PTPRG: variants seen among roughly 807,000 people sequenced by gnomAD.
PTPRG encodes protein tyrosine phosphatase receptor type G.
PTPRG carries 102 observed loss-of-function variants against 165.3 expected under a neutral mutation model. The ratio of observed to expected loss-of-function variants is 0.62; its 90% CI spans 0.53 to 0.73. The LOEUF (loss-of-function observed/expected upper bound fraction) is 0.73, where lower values mean the gene tolerates loss of function less well. PTPRG is among the 30% of genes least tolerant of loss of function. PTPRG has a pLI of 0.00. For missense variants in PTPRG, 1,866 were observed against 1,861.4 expected (o/e 1.00, Z -0.05); for synonymous variants, 675 against 669.5 (o/e 1.01, Z -0.13).
At chr3:62,065,874 G>A (rs955837623) in intron 4 of PTPRG, among the ~76,000 whole-genome samples, 4 of 152,108 alleles carry the variant, frequency 2.6e-5, no homozygotes, top group African/African-American at 7.2e-5. Flanking sequence ...CACTGTAGAG[G>A]TTCTCCCAAG....
intron 2 of PTPRG, among the ~76,000 whole-genome samples, chr3:61,979,662 A>C (rs192470830): frequency 6.6e-6 from 1 of 152,348 alleles, no homozygotes; most frequent in Non-Finnish European, 1.5e-5. Context: ...AGTTAAAATC[A>C]AGTATTCACA....
At position 62,231,872 on chromosome 3, in the gene PTPRG, A is replaced by C. The variant is rs75195496; in HGVS notation, c.2375+561A>C. ...TGCATATGAGTTCTGGATAGTTTGA[A>C]TACTTGGAAAAATTATTGTCCTGGA... On this transcript the variant is annotated intron_variant, in intron 14 of 29. Transcript: ENST00000474889. Among the ~76,000 whole-genome samples the C allele has an allele frequency of 1.1e-3, 165 of 152,118 alleles. 1 individual carries two copies. In the East Asian group the frequency reaches 0.03, roughly 28 times the overall value.
intron 5 of PTPRG, among the ~76,000 whole-genome samples, chr3:62,081,557 C>A: frequency 6.6e-6 from 1 of 152,080 alleles, no homozygotes. Context: ...GTGGCCCAGC[C>A]TAGTCTGGAA....
chr3:62,261,200 G>A (rs1434549551), intron 16 of PTPRG: 1 of 152,118 alleles, frequency 6.6e-6, no homozygotes, highest in Non-Finnish European at 1.5e-5. Flanking sequence ...CAACCCTAAA[G>A]AAGTACATGC....
intron 4 of PTPRG, among the ~76,000 whole-genome samples, chr3:62,073,281 A>G (rs546943746): frequency 1.3e-5 from 2 of 152,362 alleles, no homozygotes; most frequent in South Asian, 2.1e-4. Context: ...GTGAGTCAAC[A>G]TTAAATGAGG....
At chr3:62,258,702 C>A (rs993456103) in intron 16 of PTPRG, among the ~76,000 whole-genome samples, 1 of 152,110 alleles carries the variant, frequency 6.6e-6, no homozygotes, top group African/African-American at 2.4e-5. Flanking sequence ...ATTCTAGAGA[C>A]CGTGAAAAGC....
At chr3:61,844,608 A>G (rs972567796) in intron 2 of PTPRG, among the ~76,000 whole-genome samples, 2 of 144,662 alleles carry the variant, frequency 1.4e-5, no homozygotes, top group South Asian at 4.3e-4. Flanking sequence ...CATGGGCTCA[A>G]GTAATCCTCC....
chr3:61,699,224 T>C (rs1266428686), intron 1 of PTPRG, among the ~76,000 whole-genome samples: 3 of 151,910 alleles, frequency 2.0e-5, no homozygotes, highest in African/African-American at 7.3e-5. Context: ...GCGTTCAGGG[T>C]GGTATGGCCG....
chr3:62,230,077 G>A (rs1700859474), intron 13 of PTPRG, among the ~76,000 whole-genome samples: 1 of 152,174 alleles, frequency 6.6e-6, no homozygotes, highest in Non-Finnish European at 1.5e-5. Context: ...GTAGTTCCAG[G>A]ATGTACTCAA....
chr3:62,248,139 C>T (rs1701331966), intron 15 of PTPRG, among the ~76,000 whole-genome samples: 1 of 152,014 alleles, frequency 6.6e-6, no homozygotes, highest in Non-Finnish European at 1.5e-5. Context: ...ACTCAAAATG[C>T]AAGAGTATTT....
chr3:62,082,192 A>G (rs1553714546), intron 5 of PTPRG, among the ~76,000 whole-genome samples: 1 of 151,624 alleles, frequency 6.6e-6, no homozygotes, highest in Non-Finnish European at 1.5e-5. Context: ...TACTAGAATA[A>G]TTTTTTTTTA....
chr3:61,622,478 C>T (rs1360012492), intron 1 of PTPRG, among the ~76,000 whole-genome samples: 2 of 151,782 alleles, frequency 1.3e-5, no homozygotes, highest in Non-Finnish European at 2.9e-5. Context: ...GATTGCAGTA[C>T]GTATTTTAGG....
chr3:61,860,425 T>G (rs2700181), intron 2 of PTPRG, among the ~76,000 whole-genome samples: 1 of 141,194 alleles, frequency 7.1e-6, no homozygotes. Flanking sequence ...CTTTTTTTTG[T>G]TTTTGTTCCT....
intron 1 of PTPRG, among the ~76,000 whole-genome samples, chr3:61,660,896 G>A (rs1702640477): frequency 6.6e-6 from 1 of 152,116 alleles, no homozygotes; most frequent in South Asian, 2.1e-4. Flanking sequence ...CAGCTACTCA[G>A]GAGGCTGAGG....
At chr3:62,030,121 A>G (rs1014544977) in intron 4 of PTPRG, among the ~76,000 whole-genome samples, 3 of 152,124 alleles carry the variant, frequency 2.0e-5, no homozygotes, top group African/African-American at 7.2e-5. Flanking sequence ...GTATATCCAA[A>G]CACAGGTTTA....
intron 1 of PTPRG, among the ~76,000 whole-genome samples, chr3:61,712,303 T>C (rs2031604300): frequency 6.6e-6 from 1 of 152,116 alleles, no homozygotes; most frequent in African/African-American, 2.4e-5. Context: ...ATTTAACAGA[T>C]GCTAATATCT....
chr3:62,030,052 C>G (rs1268857842), intron 4 of PTPRG, among the ~76,000 whole-genome samples: 2 of 152,168 alleles, frequency 1.3e-5, no homozygotes, highest in African/African-American at 4.8e-5. Context: ...TTGCCTCTAT[C>G]ATTTGTGTAT....
At chr3:61,924,068 A>G (rs930516702) in intron 2 of PTPRG, among the ~76,000 whole-genome samples, 4 of 152,132 alleles carry the variant, frequency 2.6e-5, no homozygotes, top group Admixed American at 1.3e-4. Context: ...CCATCGTTGG[A>G]TCTCCTACTG....
intron 2 of PTPRG, among the ~76,000 whole-genome samples, chr3:61,756,040 G>A (rs2033623789): frequency 6.6e-6 from 1 of 152,154 alleles, no homozygotes; most frequent in African/African-American, 2.4e-5. Flanking sequence ...GTTTGTACAA[G>A]GAGGAGAAGG....
Sources: allele counts gnomAD v4.1 joint callset (sites outside exome capture counted in the v4.1 genomes callset), GRCh38; gene constraint gnomAD v4.1.1; transcripts MANE v1.5; gene names NCBI Gene and HGNC (gene_info 2026-07-23, HGNC 2026-07-21).